Variants in MLKL observed in about 807,000 individuals in gnomAD.
MLKL encodes the protein mixed lineage kinase domain-like protein.
A neutral mutation model predicts 56.5 loss-of-function variants in MLKL; 55 were observed. The observed-to-expected ratio is 0.97, with a 90% CI of 0.78 to 1.22. MLKL has a LOEUF of 1.22. Ranked by LOEUF, MLKL falls within the 50% of genes most tolerant of loss-of-function variation. MLKL has a pLI of 0.00. For missense variants in MLKL, 694 were observed against 573.9 expected (o/e 1.21, Z -2.14); for synonymous variants, 251 against 208.3 (o/e 1.20, Z -1.76).
rs1431882316 is a variant in MLKL, at chr16:74,672,401, C to A, written c.*103G>T. 9.1e-7 allele frequency: 1 copy of A among 1,102,822 alleles called. No individual in the cohort carries two copies. The highest frequency in any genetic ancestry group is 1.9e-5 in the Admixed American group (1 of 52,098). 68.3% of individuals were successfully genotyped at this position (1,102,822 alleles called of 1,614,324 possible). On this transcript the variant is annotated 3_prime_UTR_variant, in exon 11 of 11. Transcript: ENST00000308807. ...CAGAGAAGCGTGCCCACTCCTTGCA[C>A]CCATAGATAACCCAATGCCGAAGGA...
chr16:74,673,646 A>G (rs1390027109), intron 10 of MLKL, among the ~76,000 whole-genome samples: 1 of 152,146 alleles, frequency 6.6e-6, no homozygotes, highest in East Asian at 1.9e-4. Context: ...ACATGGTGAG[A>G]TAAAAGTCTG....
chr16:74,683,902 C>G (rs373735505), intron 5 of MLKL, among the ~76,000 whole-genome samples: 1 of 152,126 alleles, frequency 6.6e-6, no homozygotes, highest in Non-Finnish European at 1.5e-5. Context: ...GGCACCTCAG[C>G]GGTCCCCAAG....
intron 10 of MLKL, among the ~76,000 whole-genome samples, chr16:74,674,156 C>CTT (rs11408099): frequency 0.021 from 2,891 of 138,456 alleles, 52 homozygotes; most frequent in Middle Eastern, 0.076. Flanking sequence ...GAATAGCATT[C>CTT]TTTTTTTTTT....
chr16:74,677,881 T>C (rs1332329295), intron 7 of MLKL: 3 of 152,348 alleles, frequency 2.0e-5, no homozygotes, highest in Non-Finnish European at 2.9e-5. Flanking sequence ...TGTTTCACTA[T>C]GTTGGCCAGG....
chr16:74,674,901 CT>C, intron 10 of MLKL, 58 bp downstream of exon 10: 1 of 1,569,012 alleles, frequency 6.4e-7, no homozygotes, highest in Non-Finnish European at 8.7e-7. Context: ...AAAAGGAAAT[CT>C]TTCACAAGTG....
In MLKL at chr16:74,673,493, C is replaced by G. The variant is rs572688722; in HGVS notation, c.1382-955G>C. On this transcript the variant is annotated intron_variant, in intron 10 of 10. Transcript: ENST00000308807. ...TCAGCCTCCCAAAGTGCTGAGATTA[C>G]AGGTGTGAGCCACTGCACCCGGCCC... Among the ~76,000 whole-genome samples, 41 of 152,218 alleles carry G rather than the reference C, an allele frequency of 2.7e-4. No individual in the cohort carries two copies. The South Asian group carries it at 8.5e-3, about 32-fold the overall frequency.
At chr16:74,682,370 A>G (rs1400404200) in intron 6 of MLKL, among the ~76,000 whole-genome samples, 4 of 152,200 alleles carry the variant, frequency 2.6e-5, no homozygotes, top group African/African-American at 7.2e-5. Flanking sequence ...TTAACTGGAT[A>G]TGTTCATTTT....
chr16:74,691,514 A>G (rs1359553795), intron 3 of MLKL, 51 bp from the exon 4 acceptor site: 2 of 1,548,544 alleles, frequency 1.3e-6, no homozygotes, highest in Admixed American at 4.0e-5. Flanking sequence ...TGAGCAGAGG[A>G]AGGGGTCCTA....
At chr16:74,683,605 A>AG in intron 5 of MLKL, among the ~76,000 whole-genome samples, 2 of 152,192 alleles carry the variant, frequency 1.3e-5, no homozygotes, top group East Asian at 3.9e-4. Flanking sequence ...AAAAAAAAAA[A>AG]AAAAAATTCT....
intron 4 of MLKL, among the ~76,000 whole-genome samples, chr16:74,688,803 G>A (rs186613444): frequency 1.3e-5 from 2 of 152,146 alleles, no homozygotes; most frequent in East Asian, 3.9e-4. Context: ...AAAAACACAA[G>A]GTCCTTCAAT....
chr16:74,676,261 G>A (rs182897429), intron 7 of MLKL: 7 of 989,956 alleles, frequency 7.1e-6, no homozygotes, highest in Admixed American at 5.9e-5. Context: ...TGGCTTTGGC[G>A]TGACGAGTGT....
intron 9 of MLKL, 97 bp from the exon 10 acceptor site, chr16:74,675,197 A>G (rs1959511855): frequency 5.0e-5 from 78 of 1,562,118 alleles, no homozygotes; most frequent in Non-Finnish European, 6.7e-5. Context: ...GACTCTGAGT[A>G]TGGAAACAAC....
At chr16:74,686,595 A>G (rs192876099) in intron 4 of MLKL, among the ~76,000 whole-genome samples, 1 of 152,314 alleles carries the variant, frequency 6.6e-6, no homozygotes, top group East Asian at 1.9e-4. Context: ...CACACACACA[A>G]AAAAAGATAT....
chr16:74,672,303 A>G lies in MLKL; in HGVS notation c.*201T>C, dbSNP rs933346633. On this transcript the variant is annotated 3_prime_UTR_variant, in exon 11 of 11. Transcript: ENST00000308807. ...CAAACCATCTATCAAAGTTACTGTCAGAGGTATGTTTTTGGAAATATCATT... is the reference window on the plus strand; with the variant it reads ...CAAACCATCTATCAAAGTTACTGTCGGAGGTATGTTTTTGGAAATATCATT... The G allele has an allele frequency of 1.2e-5, 6 of 517,266 alleles. No individual in the cohort carries two copies. The highest frequency in any genetic ancestry group is 1.9e-5 in the African/African-American group (1 of 53,070). The allele number at this position is 517,266 out of a possible 1,614,324, so 32.0% of individuals were successfully genotyped here.
chr16:74,699,040 G>T (rs2038881053), intron 1 of MLKL, among the ~76,000 whole-genome samples: 1 of 150,472 alleles, frequency 6.6e-6, no homozygotes, highest in Admixed American at 6.6e-5. Context: ...TTGAACCCGG[G>T]AGGTGGAGGT....
intron 2 of MLKL, among the ~76,000 whole-genome samples, chr16:74,694,424 G>A (rs1193942697): frequency 1.3e-5 from 2 of 151,966 alleles, no homozygotes; most frequent in Middle Eastern, 6.3e-3. Context: ...TTTGTTTTTG[G>A]AGACAGGATC....
chr16:74,688,378 G>C (rs1488206312), intron 4 of MLKL, among the ~76,000 whole-genome samples: 1 of 152,094 alleles, frequency 6.6e-6, no homozygotes, highest in African/African-American at 2.4e-5. Context: ...TCTAACTTCG[G>C]AAACCTAAAT....
chr16:74,675,046 G>A lies in MLKL; in HGVS notation c.1295C>T (p.Pro432Leu), dbSNP rs748439336. 1.9e-6 allele frequency: 3 copies of A among 1,614,128 alleles called. No homozygotes were observed. The highest frequency in any genetic ancestry group is 1.1e-5 in the South Asian group (1 of 91,080). ...CTCTGAAGGGCAGTCTTCACCCAGT[G>A]GCTCCTGCTGCCGCTTCACAGCCAC... ...KLVAVKRQQE[P>L]LGEDCPSELR... The change falls in exon 10 of 11, where the codon CCA (proline) becomes CTA (leucine). Residue 432 changes from proline to leucine, a missense_variant. By Grantham distance (98) the Pro-to-Leu change is moderately conservative. Transcript: ENST00000308807.
chr16:74,685,436 G>A, intron 5 of MLKL, 50 bp downstream of exon 5: 1 of 1,319,782 alleles, frequency 7.6e-7, no homozygotes, highest in Non-Finnish European at 1.1e-6. Flanking sequence ...AACACAGGAG[G>A]TGTGTTCTAG....
Sources: allele counts gnomAD v4.1 joint callset (sites outside exome capture counted in the v4.1 genomes callset), GRCh38; gene constraint gnomAD v4.1.1; transcripts MANE v1.5; gene names NCBI Gene and HGNC (gene_info 2026-07-23, HGNC 2026-07-21).